Variants in C7orf25 observed in about 807,000 individuals in gnomAD.
C7orf25 encodes chromosome 7 open reading frame 25.
C7orf25 carries 14 observed loss-of-function variants against 25.5 expected under a neutral mutation model. That is an observed-to-expected ratio of 0.55 (90% CI 0.36 to 0.86). The LOEUF (loss-of-function observed/expected upper bound fraction) is 0.86. Among genes scored for constraint, C7orf25 ranks in the 40% least tolerant of loss-of-function variants. C7orf25 has a pLI of 0.01. For synonymous variants in C7orf25, 184 were observed against 179.9 expected, an observed-to-expected ratio of 1.02 and a Z score of -0.18; for missense variants, 405 against 493.9, an observed-to-expected ratio of 0.82 and a Z score of 1.71.
At chr7:42,911,871 G>A (rs1290580039) in intron 1 of C7orf25, 44 bp downstream of exon 1, 13 of 1,396,942 alleles carry the variant, frequency 9.3e-6, no homozygotes, top group Admixed American at 3.3e-5. Flanking sequence ...CTCAGAAGAG[G>A]CGCCCCGCTC....
chr7:42,909,332 G>A lies in C7orf25; in HGVS notation c.*303C>T, dbSNP rs1469335884. 7.3e-6 allele frequency: 2 copies of A among 274,842 alleles called. No homozygotes were observed. The highest frequency in any genetic ancestry group is 2.2e-5 in the African/African-American group (1 of 45,586). The allele number at this position is 274,842 out of a possible 1,614,324, so 17.0% of individuals were successfully genotyped here. A position where few individuals can be genotyped will look rare whatever the true frequency, so the allele number is the denominator to read the frequency against. On this transcript the variant is annotated 3_prime_UTR_variant, in exon 2 of 2. Coordinates refer to ENST00000350427, the MANE Select transcript of C7orf25 (RefSeq NM_001099858.2). ...ATGTAGCCATATTCCATGAAATGTG[G>A]TTAGCAGTAGGGGAGTTGTAGCCCT...
Position 42,909,402 on chromosome 7 carries a change from G to A in C7orf25, c.*233C>T, listed in dbSNP as rs989715227. 5.4e-5 allele frequency: 26 copies of A among 478,576 alleles called. No individual in the cohort carries two copies. Among genetic ancestry groups the A allele is most frequent in the African/African-American group, 1.2e-4 (6 of 50,732 alleles). The allele number at this position is 478,576 out of a possible 1,614,324, so 29.6% of individuals were successfully genotyped here. On this transcript the variant is annotated 3_prime_UTR_variant, in exon 2 of 2. Transcript: ENST00000350427. ...ATACAGCTGAAAGCTTTATATAGAC[G>A]TATTTCGGTTCTTAATTGCACTAAT...
rs1357639040 is a variant in C7orf25 at position 42,910,733 on chromosome 7, T to C, written c.168A>G (p.Lys56=). The C allele has an allele frequency of 2.5e-6, 4 of 1,614,212 alleles. No homozygotes were observed. Among genetic ancestry groups the C allele is most frequent in the Non-Finnish European group, 1.7e-6 (2 of 1,180,052 alleles). The change falls in exon 2 of 2, where the codon AAA becomes AAG. Residue 56 remains lysine (K), a synonymous_variant. Transcript: ENST00000350427. The part of the protein sequence containing the change: ...LKFLQKVEAG[K]VAIKESHLQS... ...GTAAATGAGACTCTTTAATAGCTAC[T>C]TTCCCAGCTTCTACTTTCTGCAAGA...
At position 42,909,928 on chromosome 7, in the gene C7orf25, C is replaced by G; in HGVS notation, c.973G>C (p.Glu325Gln). 1 of 1,614,216 alleles carries G rather than the reference C, an allele frequency of 6.2e-7. No homozygotes were observed. The highest frequency in any genetic ancestry group is 8.5e-7 in the Non-Finnish European group (1 of 1,180,042). ...LDTLGGPGER[E>Q]RATVLIKRIN... ...CGCTTAATTAACACAGTGGCCCTCT[C>G]TCTCTCCCCAGGTCCTCCTAAGGTA... is the stretch of plus-strand genomic sequence containing the variant. Residue 325 changes from glutamate (E) to glutamine (Q), a missense_variant, in exon 2 of 2, where the codon GAG becomes CAG. Coordinates refer to ENST00000350427, the MANE Select transcript of C7orf25 (RefSeq NM_001099858.2).
At chr7:42,911,504 G>C in intron 1 of C7orf25, 1 of 1,001,402 alleles carries the variant, frequency 1.0e-6, no homozygotes, top group South Asian at 4.3e-5. Flanking sequence ...TTCTGCATTT[G>C]ACGTCAACCC....
Position 42,909,761 on chromosome 7 carries a change from G to A in C7orf25, c.1140C>T (p.Val380=), listed in dbSNP as rs1244302287. ...AITMTANSGF[V]RAANNQGVKF... The stretch of plus-strand genomic sequence containing the variant: ...TAACACCCTGGTTGTTTGCAGCTCT[G>A]ACAAAACCACTATTAGCAGTCATTG... The change falls in exon 2 of 2, where the codon GTC becomes GTT. Residue 380 remains valine, a synonymous_variant. Transcript: ENST00000350427. The A allele has an allele frequency of 6.2e-7, 1 of 1,614,202 alleles. No homozygotes were observed. Among genetic ancestry groups the A allele is most frequent in the South Asian group, 1.1e-5 (1 of 91,084 alleles).
chr7:42,910,694 T>C lies in C7orf25; in HGVS notation c.207A>G (p.Leu69=), dbSNP rs370397989. Residue 69 remains leucine, a synonymous_variant, in exon 2 of 2, where the codon CTA becomes CTG. Transcript: ENST00000350427. ...IKESHLQSTN[L]THLRAIVESA... ...ATTCCACAATGGCTCTCAGGTGTGT[T>C]AGGTTAGTGCTCTGTAAATGAGACT... 1.1e-5 allele frequency: 17 copies of C among 1,614,040 alleles called. No individual in the cohort carries two copies. Among genetic ancestry groups the C allele is most frequent in the African/African-American group, 1.3e-5 (1 of 74,940 alleles).
chr7:42,911,891 C>A (rs964497417), intron 1 of C7orf25, 24 bp downstream of exon 1: 4 of 1,426,638 alleles, frequency 2.8e-6, no homozygotes, highest in African/African-American at 1.5e-5. Context: ...CCCAGCCTCC[C>A]CGCCTCGCTC....
intron 1 of C7orf25, 146 bp downstream of exon 1, chr7:42,911,769 C>A: frequency 8.1e-7 from 1 of 1,240,542 alleles, no homozygotes; most frequent in Non-Finnish European, 1.0e-6. Context: ...CGAAAAGCCC[C>A]CACCGCCAGC....
Position 42,910,533 on chromosome 7 carries a change from T to C in C7orf25, c.368A>G (p.Lys123Arg). The change falls in exon 2 of 2, where the codon AAG (lysine) becomes AGG (arginine). Residue 123 changes from lysine (K) to arginine (R), a missense_variant. Lys to Arg is a conservative substitution (Grantham distance 26). Coordinates refer to ENST00000350427, the MANE Select transcript of C7orf25 (RefSeq NM_001099858.2). ...GHTWVKAIGR[K>R]AEALHNIWLG... ...CCAGATGTTATGAAGAGCTTCAGCCTTCCGGCCAATGGCTTTCACCCAAGT... is the reference window on the plus strand; with the variant it reads ...CCAGATGTTATGAAGAGCTTCAGCCCTCCGGCCAATGGCTTTCACCCAAGT... The C allele has an allele frequency of 6.2e-7, 1 of 1,614,234 alleles. No homozygotes were observed. The highest frequency in any genetic ancestry group is 1.1e-5 in the South Asian group (1 of 91,082).
At chr7:42,911,387 TC>T (rs1482212723) in intron 1 of C7orf25, 1 of 1,038,838 alleles carries the variant, frequency 9.6e-7, no homozygotes, top group Non-Finnish European at 1.2e-6. Flanking sequence ...CACTTCAGCC[TC>T]CCTAACCTTT....
At chr7:42,911,025 G>T in intron 1 of C7orf25, 104 bp from the exon 2 acceptor site, 2 of 1,566,964 alleles carry the variant, frequency 1.3e-6, no homozygotes, top group East Asian at 2.3e-5. Context: ...GCTTATGGAG[G>T]GTGAGTCTAT....
Position 42,910,301 on chromosome 7 carries a change from A to C in C7orf25, c.600T>G (p.Asp200Glu). ...CACTTGGTTGAAGCTCTTCAGGGTG[A>C]TCTAACAGAGCGTTGACTGCTACTA... is the stretch of plus-strand genomic sequence containing the variant. ...GDIVAVNALL[D>E]HPEELQPSES... Residue 200 changes from aspartate (D) to glutamate (E), a missense_variant, in exon 2 of 2, where the codon GAT (aspartate) becomes GAG (glutamate). By Grantham distance (45) the Asp-to-Glu change is conservative. Transcript: ENST00000350427. The C allele has an allele frequency of 6.2e-7, 1 of 1,614,166 alleles. No individual in the cohort carries two copies. The highest frequency in any genetic ancestry group is 2.2e-5 in the East Asian group (1 of 44,878).
chr7:42,911,886 C>A, intron 1 of C7orf25, 29 bp downstream of exon 1: 2 of 1,419,102 alleles, frequency 1.4e-6, no homozygotes, highest in Non-Finnish European at 9.1e-7. Context: ...CCGCTCCCAG[C>A]CTCCCCGCCT....
rs1397083566 is a variant in C7orf25 at position 42,912,046 on chromosome 7, CCGCCTCGGG to C, written c.-162_-154del. On this transcript the variant is annotated 5_prime_UTR_variant, in exon 1 of 2. Coordinates refer to ENST00000350427, the MANE Select transcript of C7orf25 (RefSeq NM_001099858.2). ...GGCGGCTCCACCCGCGCGAGCCCCG[CCGCCTCGGG>C]CACCTCCTGCATCACGTGGTTCCGG... 15 of 1,462,668 alleles carry C rather than the reference CCGCCTCGGG, an allele frequency of 1.0e-5. No individual in the cohort carries two copies. The highest frequency in any genetic ancestry group is 1.3e-5 in the Non-Finnish European group (15 of 1,115,532). The allele number at this position is 1,462,668 out of a possible 1,614,324, so 90.6% of individuals were successfully genotyped here.
Position 42,910,048 on chromosome 7 carries a change from T to C in C7orf25, c.853A>G (p.Lys285Glu). 1 of 1,614,206 alleles carries C rather than the reference T, an allele frequency of 6.2e-7. No homozygotes were observed. Among genetic ancestry groups the C allele is most frequent in the Non-Finnish European group, 8.5e-7 (1 of 1,180,048 alleles). ...TCCAGCTGAGGTAGAACCTGCTCTT[T>C]CCTCTCTTGCTCTGCTTGTTCTGTG... The part of the protein sequence containing the change: ...VLTEQAEQER[K>E]EQVLPQLEAF... The change falls in exon 2 of 2, where the codon AAA becomes GAA. Residue 285 changes from lysine to glutamate, a missense_variant. Physicochemically the swap from Lys to Glu is moderately conservative, Grantham distance 56 (BLOSUM62 1). Coordinates refer to ENST00000350427, the MANE Select transcript of C7orf25 (RefSeq NM_001099858.2).
rs1189654307 is a variant in C7orf25 at position 42,912,043 on chromosome 7, C to G, written c.-150G>C. On this transcript the variant is annotated 5_prime_UTR_variant, in exon 1 of 2. Transcript: ENST00000350427. ...CGAGGCGGCTCCACCCGCGCGAGCC[C>G]CGCCGCCTCGGGCACCTCCTGCATC... 1 of 1,466,126 alleles carries G rather than the reference C, an allele frequency of 6.8e-7. No homozygotes were observed. Among genetic ancestry groups the G allele is most frequent in the Non-Finnish European group, 9.0e-7 (1 of 1,117,174 alleles). 90.8% of individuals were successfully genotyped at this position (1,466,126 alleles called of 1,614,324 possible). A position where few individuals can be genotyped will look rare whatever the true frequency, so the allele number is the denominator to read the frequency against.
chr7:42,910,611 G>GT lies in C7orf25; in HGVS notation c.289dup (p.Thr97AsnfsTer29). On this transcript the variant is annotated frameshift_variant, in exon 2 of 2. Transcript: ENST00000350427. LOFTEE classifies it high-confidence loss of function. ...CACAAGGGTTTGCTTTTCTCCTAAG[G>GT]TATCTGTATAACCAAAGACATGAAG... The GT allele has an allele frequency of 6.2e-7, 1 of 1,614,086 alleles. No homozygotes were observed. The highest frequency in any genetic ancestry group is 8.5e-7 in the Non-Finnish European group (1 of 1,180,046).
chr7:42,911,757 G>T, intron 1 of C7orf25, 158 bp downstream of exon 1: 10 of 1,229,878 alleles, frequency 8.1e-6, no homozygotes, highest in Non-Finnish European at 1.0e-5. Context: ...AGGGGCCGGG[G>T]CCGAAAAGCC....
Sources: gnomAD v4.1 joint callset for allele counts on GRCh38, gnomAD v4.1.1 for gene constraint, MANE v1.5 for transcripts, NCBI Gene and HGNC (gene_info 2026-07-23, HGNC 2026-07-21) for gene names.